Variants in PGM2 observed in about 807,000 individuals in gnomAD.
PGM2 encodes phosphoglucomutase 2, also known as phosphopentomutase.
In PGM2, 57 loss-of-function variants were observed where a neutral mutation model predicts 74.6. The ratio of observed to expected loss-of-function variants is 0.76; its 90% confidence interval spans 0.62 to 0.95. The LOEUF is 0.95. Among genes scored for constraint, PGM2 ranks in the 40% least tolerant of loss-of-function variants. PGM2 has a pLI of 0.00. For missense variants in PGM2, 706 were observed against 741.9 expected, an observed-to-expected ratio of 0.95 and a Z score of 0.56; for synonymous variants, 273 against 260.7, an observed-to-expected ratio of 1.05 and a Z score of -0.46.
chr4:37,826,781 C>T lies in PGM2; in HGVS notation c.49C>T (p.Gln17Ter). Residue 17 changes from glutamine (Q) to a stop codon, truncating the protein, a stop_gained, in exon 1 of 14, where the codon CAG becomes TAG. Coordinates refer to ENST00000381967, the MANE Select transcript of PGM2 (RefSeq NM_018290.4). LOFTEE classifies it high-confidence loss of function. ...SGLGEDARLD[Q>*]ETAQWLRWDK... Reference sequence around the variant, plus strand: ...TCTAGGCGAGGACGCCCGGCTGGACCAGGAGACCGCCCAGTGGCTGCGCTG... The same window carrying T: ...TCTAGGCGAGGACGCCCGGCTGGACTAGGAGACCGCCCAGTGGCTGCGCTG... The T allele has an allele frequency of 1.3e-6, 2 of 1,549,404 alleles. No homozygotes were observed. The highest frequency in any genetic ancestry group is 1.7e-6 in the Non-Finnish European group (2 of 1,146,204).
chr4:37,856,392 T>A (rs528143227), intron 13 of PGM2, among the ~76,000 whole-genome samples: 22 of 152,000 alleles, frequency 1.4e-4, no homozygotes, highest in South Asian at 6.2e-4. Flanking sequence ...CTCAAAAAAA[T>A]AAATAAATAA....
chr4:37,841,481 T>C (rs958066615), intron 6 of PGM2, among the ~76,000 whole-genome samples: 4 of 152,140 alleles, frequency 2.6e-5, no homozygotes, highest in African/African-American at 9.7e-5. Flanking sequence ...TTGGATCAGC[T>C]GATGGTGCCC....
At chr4:37,846,873 A>G in intron 8 of PGM2, 58 bp from the exon 9 acceptor site, 2 of 1,363,696 alleles carry the variant, frequency 1.5e-6, no homozygotes, top group Non-Finnish European at 2.0e-6. Flanking sequence ...ATGACACTTT[A>G]GAGTCTTCCT....
At chr4:37,845,282 A>C (rs916299997) in intron 7 of PGM2, among the ~76,000 whole-genome samples, 1 of 152,158 alleles carries the variant, frequency 6.6e-6, no homozygotes, top group African/African-American at 2.4e-5. Context: ...CATTCAGAGA[A>C]TCAGTTTATT....
intron 1 of PGM2, among the ~76,000 whole-genome samples, chr4:37,828,394 C>A (rs936898015): frequency 6.7e-6 from 1 of 149,484 alleles, no homozygotes. Context: ...CTGTTAATTT[C>A]TTCTTTGCTT....
Position 37,834,733 on chromosome 4 carries a change from A to C in PGM2, c.356+9A>C, listed in dbSNP as rs760167331. The C allele has an allele frequency of 1.9e-5, 24 of 1,257,564 alleles. No individual in the cohort carries two copies. Among genetic ancestry groups the C allele is most frequent in the Non-Finnish European group, 2.6e-5 (23 of 877,372 alleles). 77.9% of individuals were successfully genotyped at this position (1,257,564 alleles called of 1,614,324 possible). On this transcript the variant is annotated intron_variant, in intron 3 of 13. Transcript: ENST00000381967. ...GGGGGTAGCAGCAGAAGGTATTTAA[A>C]CATTTTTACAAAATGATGTTTTTAT... is the stretch of plus-strand genomic sequence containing the variant.
intron 12 of PGM2, among the ~76,000 whole-genome samples, chr4:37,854,502 C>T (rs1291348276): frequency 6.6e-6 from 1 of 152,078 alleles, no homozygotes; most frequent in African/African-American, 2.4e-5. Context: ...AGGCACCCGC[C>T]ACCATGCCTG....
chr4:37,856,383 T>G (rs1456929152), intron 13 of PGM2, among the ~76,000 whole-genome samples: 1 of 151,948 alleles, frequency 6.6e-6, no homozygotes, highest in Non-Finnish European at 1.5e-5. Context: ...AGACTCCATC[T>G]CAAAAAAATA....
At chr4:37,856,659 T>C (rs1726209126) in intron 13 of PGM2, among the ~76,000 whole-genome samples, 1 of 152,182 alleles carries the variant, frequency 6.6e-6, no homozygotes, top group Non-Finnish European at 1.5e-5. Context: ...GTAAGTGTGA[T>C]ACTGCATGCC....
chr4:37,843,699 T>C (rs1380889285), intron 6 of PGM2, among the ~76,000 whole-genome samples: 1 of 151,628 alleles, frequency 6.6e-6, no homozygotes, highest in African/African-American at 2.4e-5. Flanking sequence ...AACCTCCACC[T>C]CCCAGGTTCA....
At chr4:37,832,844 T>C (rs12648240) in intron 2 of PGM2, among the ~76,000 whole-genome samples, 11,377 of 152,302 alleles carry the variant, frequency 0.075, 790 homozygotes, top group East Asian at 0.18. Context: ...TTGCTTCTTA[T>C]GTTTTATAAT....
At position 37,841,084 on chromosome 4, in the gene PGM2, A is replaced by G. The variant is rs1245442834; in HGVS notation, c.719+825A>G. Among the ~76,000 whole-genome samples, 72 of 117,548 alleles carry G rather than the reference A, an allele frequency of 6.1e-4. 2 individuals carry two copies. The highest frequency in any genetic ancestry group is 3.2e-3 in the African/African-American group (69 of 21,422). 77.1% of individuals were successfully genotyped at this position (117,548 alleles called of 152,430 possible). A position where few individuals can be genotyped will look rare whatever the true frequency, so the allele number is the denominator to read the frequency against. The stretch of plus-strand genomic sequence containing the variant: ...TGCATATGCAAGCGTATATATATAT[A>G]TATATATATATATATATGTGTGTGT... On this transcript the variant is annotated intron_variant, in intron 6 of 13. Coordinates refer to ENST00000381967, the MANE Select transcript of PGM2 (RefSeq NM_018290.4).
chr4:37,830,156 G>A, intron 2 of PGM2, 25 bp downstream of exon 2: 3 of 1,428,214 alleles, frequency 2.1e-6, no homozygotes, highest in African/African-American at 1.4e-5. Flanking sequence ...ATAATTCTTA[G>A]TAACTCAATG....
chr4:37,848,576 T>C lies in PGM2; in HGVS notation c.1337T>C (p.Ile446Thr). The C allele has an allele frequency of 6.2e-7, 1 of 1,613,814 alleles. No individual in the cohort carries two copies. Among genetic ancestry groups the C allele is most frequent in the Non-Finnish European group, 8.5e-7 (1 of 1,179,676 alleles). The change falls in exon 11 of 14, where the codon ATA (isoleucine) becomes ACA (threonine). Residue 446 changes from isoleucine (I) to threonine (T), a missense_variant. Physicochemically the swap from Ile to Thr is moderately conservative, Grantham distance 89. Around this residue, in one of 3 missense-constraint regions of PGM2, gnomAD observed 359 missense variants for 371.1 expected, o/e 0.97. Transcript: ENST00000381967. ...LDKDGVSAAV[I>T]SAELASFLAT... ...AAAGATGGAGTCAGTGCCGCTGTCA[T>C]AAGTGCAGAGTTGGCTAGCTTCCTA...
Position 37,844,359 on chromosome 4 carries a change from T to C in PGM2, c.720-5T>C. 6.3e-7 allele frequency: 1 copy of C among 1,596,660 alleles called. No homozygotes were observed. The highest frequency in any genetic ancestry group is 8.6e-7 in the Non-Finnish European group (1 of 1,169,390). The stretch of plus-strand genomic sequence containing the variant: ...TATCATTTTCCACTGTGTATCTGAT[T>C]CTAGGAGCGTGAACAGGGAGACAAA... On this transcript the variant is annotated splice_polypyrimidine_tract_variant and splice_region_variant and intron_variant, in intron 6 of 13. Coordinates refer to ENST00000381967, the MANE Select transcript of PGM2 (RefSeq NM_018290.4).
intron 12 of PGM2, among the ~76,000 whole-genome samples, chr4:37,855,031 G>A (rs1180800807): frequency 6.6e-6 from 1 of 152,170 alleles, no homozygotes; most frequent in Non-Finnish European, 1.5e-5. Context: ...TCATGTATTT[G>A]TAGTGAGAAC....
chr4:37,855,721 G>C lies in PGM2; in HGVS notation c.1716G>C (p.Leu572=), dbSNP rs11554509. The C allele has an allele frequency of 0.15, 234,662 of 1,609,984 alleles. 18,723 individuals carry two copies. The highest frequency in any genetic ancestry group is 0.31 in the African/African-American group (23,034 of 74,690). Residue 572 remains leucine, a synonymous_variant, in exon 13 of 14, where the codon CTG becomes CTC. Transcript: ENST00000381967. Reference sequence around the variant, plus strand: ...CCAAAATCAAGTACTATGCAGAGCTGTGTGCCCCACCTGGGAACAGGTATG... The same window carrying C: ...CCAAAATCAAGTACTATGCAGAGCTCTGTGCCCCACCTGGGAACAGGTATG... ...TEPKIKYYAE[L]CAPPGNSDPE...
chr4:37,838,323 C>T (rs1223996896), intron 4 of PGM2, among the ~76,000 whole-genome samples: 1 of 152,186 alleles, frequency 6.6e-6, no homozygotes, highest in Non-Finnish European at 1.5e-5. Context: ...CTGTTTTATA[C>T]AAATGTTTTA....
At chr4:37,848,428 T>G in intron 10 of PGM2, 94 bp from the exon 11 acceptor site, 1 of 1,114,190 alleles carries the variant, frequency 9.0e-7, no homozygotes, top group Non-Finnish European at 1.3e-6. Context: ...CACGCAACAC[T>G]GTACAACCTC....
Sources: allele counts gnomAD v4.1 joint callset (sites outside exome capture counted in the v4.1 genomes callset), GRCh38; gene constraint gnomAD v4.1.1; regional missense constraint gnomAD v4.1.1; transcripts MANE v1.5; gene names NCBI Gene and HGNC (gene_info 2026-07-23, HGNC 2026-07-21).